The following DNA2 variants were observed in gnomAD, a reference collection of about 807,000 sequenced individuals.
DNA2 encodes the protein DNA replication ATP-dependent helicase/nuclease DNA2.
In DNA2, 101 loss-of-function variants were observed where a neutral mutation model predicts 119.1. The observed-to-expected ratio is 0.85, with a 90% CI of 0.72 to 1.00. The LOEUF (loss-of-function observed/expected upper bound fraction) is 1.00, where lower values mean the gene tolerates loss of function less well. Among genes scored for constraint, DNA2 ranks in the 50% least tolerant of loss-of-function variants. DNA2 has a pLI of 0.00. For missense variants in DNA2, 1,121 were observed against 1,255.5 expected, an observed-to-expected ratio of 0.89 and a Z score of 1.62; for synonymous variants, 366 against 424.4, an observed-to-expected ratio of 0.86 and a Z score of 1.69.
chr10:68,470,139 G>T lies in DNA2; in HGVS notation c.99C>A (p.Ser33=), dbSNP rs1473243857. 1.3e-6 allele frequency: 2 copies of T among 1,595,772 alleles called. No individual in the cohort carries two copies. Among genetic ancestry groups the T allele is most frequent in the Non-Finnish European group, 1.7e-6 (2 of 1,175,816 alleles). ...CTGTGCTCAGAACTGTTCTTGGAAA[G>T]GAAGCTACCACTTTCTTCTGAAATC... ...AELFQKKVVA[S]FPRTVLSTGM... is the part of the protein sequence containing the mutation. The change falls in exon 2 of 21, where the codon TCC becomes TCA. Residue 33 remains serine, a synonymous_variant. Coordinates refer to ENST00000358410, the MANE Select transcript of DNA2 (RefSeq NM_001080449.3).
intron 14 of DNA2, chr10:68,425,066 T>C: frequency 2.5e-6 from 1 of 393,270 alleles, no homozygotes; most frequent in Admixed American, 3.4e-5. Context: ...TTGGAACTTT[T>C]CAGAATGTCT....
rs1429308709 is a variant in DNA2, at chr10:68,419,754, C to CTTTTTTTTTTTTTTTTTTTTTTT, written c.2787+48_2787+49insAAAAAAAAAAAAAAAAAAAAAAA. On this transcript the variant is annotated intron_variant, in intron 18 of 20. Transcript: ENST00000358410. ...TGTAAGTGTCTTACAGTCTAACATT[C>CTTTTTTTTTTTTTTTTTTTTTTT]TTTTATTCTGCACTTTAATATTTGC... 3 of 1,390,598 alleles carry CTTTTTTTTTTTTTTTTTTTTTTT rather than the reference C, an allele frequency of 2.2e-6. No individual in the cohort carries two copies. The African/African-American group carries it at 4.3e-5, about 20-fold the overall frequency. 86.1% of individuals were successfully genotyped at this position (1,390,598 alleles called of 1,614,324 possible). A position where few individuals can be genotyped will look rare whatever the true frequency, so the allele number is the denominator to read the frequency against.
intron 17 of DNA2, 147 bp downstream of exon 17, chr10:68,422,078 G>C (rs1033279144): frequency 2.1e-5 from 13 of 621,306 alleles, no homozygotes; most frequent in Non-Finnish European, 3.5e-5. Context: ...CTCGCAAAGT[G>C]CTGGGATTAC....
At chr10:68,431,454 T>A (rs1245285959) in intron 13 of DNA2, among the ~76,000 whole-genome samples, 1 of 151,690 alleles carries the variant, frequency 6.6e-6, no homozygotes, top group African/African-American at 2.4e-5. Flanking sequence ...CCGGCTAATT[T>A]TTGTATTTTT....
chr10:68,469,593 C>T (rs901305741), intron 2 of DNA2, among the ~76,000 whole-genome samples: 7 of 151,920 alleles, frequency 4.6e-5, no homozygotes, highest in African/African-American at 1.7e-4. Context: ...CTCCAGAGTA[C>T]CTGGGATTAC....
Position 68,422,711 on chromosome 10 carries a change from T to C in DNA2, c.2388A>G (p.Leu796=). The C allele has an allele frequency of 6.2e-7, 1 of 1,612,978 alleles. No homozygotes were observed. Among genetic ancestry groups the C allele is most frequent in the Non-Finnish European group, 8.5e-7 (1 of 1,179,588 alleles). The change falls in exon 15 of 21, where the codon CTA becomes CTG. Residue 796 remains leucine (L), a synonymous_variant. Coordinates refer to ENST00000358410, the MANE Select transcript of DNA2 (RefSeq NM_001080449.3). Reference sequence around the variant, plus strand: ...TGTCTGCCTACCTTGCTTCACGGTTTAGCACCAGGGGAGGAAGCTGCTGAT... The same window carrying C: ...TGTCTGCCTACCTTGCTTCACGGTTCAGCACCAGGGGAGGAAGCTGCTGAT... ...GDHQQLPPLV[L]NREARALGMS...
intron 5 of DNA2, among the ~76,000 whole-genome samples, chr10:68,451,217 A>T (rs2052113572): frequency 1.3e-5 from 2 of 152,074 alleles, no homozygotes; most frequent in African/African-American, 4.8e-5. Context: ...AAAGGAGCTC[A>T]TGGTCACTTC....
At chr10:68,471,984 G>T, upstream of DNA2, 1 of 1,611,466 alleles carries the variant, frequency 6.2e-7, no homozygotes, top group South Asian at 1.1e-5. Context: ...GCGCCAACCC[G>T]CAGATGTCCC....
intron 9 of DNA2, among the ~76,000 whole-genome samples, chr10:68,439,226 C>A (rs914973396): frequency 2.0e-5 from 3 of 150,930 alleles, no homozygotes; most frequent in Non-Finnish European, 4.4e-5. Context: ...GAAACCCCAT[C>A]CCTACTAAAA....
chr10:68,467,584 T>C (rs979888597), intron 3 of DNA2, among the ~76,000 whole-genome samples: 8 of 152,182 alleles, frequency 5.3e-5, no homozygotes, highest in African/African-American at 1.9e-4. Flanking sequence ...AGAGTCTTGC[T>C]CTGCCGCCCA....
chr10:68,422,909 G>A lies in DNA2; in HGVS notation c.2209-19C>T. 2 of 1,504,092 alleles carry A rather than the reference G, an allele frequency of 1.3e-6. No individual in the cohort carries two copies. The highest frequency in any genetic ancestry group is 1.8e-6 in the Non-Finnish European group (2 of 1,116,250). The allele number at this position is 1,504,092 out of a possible 1,614,324, so 93.2% of individuals were successfully genotyped here. A position where few individuals can be genotyped will look rare whatever the true frequency, so the allele number is the denominator to read the frequency against. On this transcript the variant is annotated intron_variant, in intron 14 of 20. Transcript: ENST00000358410. Reference sequence around the variant, plus strand: ...CTATAAGCTAAAAACAAGGAAAACAGATCAGTTATTTAACATGTAAAAGAA... The same window carrying A: ...CTATAAGCTAAAAACAAGGAAAACAAATCAGTTATTTAACATGTAAAAGAA...
intron 17 of DNA2, among the ~76,000 whole-genome samples, chr10:68,420,142 C>T (rs1159366769): frequency 6.6e-6 from 1 of 152,222 alleles, no homozygotes; most frequent in Non-Finnish European, 1.5e-5. Flanking sequence ...ACACACTGAG[C>T]TTCAAATACT....
At chr10:68,423,287 A>AT (rs555052606) in intron 14 of DNA2, among the ~76,000 whole-genome samples, 1 of 86,888 alleles carries the variant, frequency 1.2e-5, no homozygotes, top group African/African-American at 6.3e-5. Flanking sequence ...CATTATATAT[A>AT]AAAAAAAAAA....
At chr10:68,422,470 G>A (rs777050835) in intron 16 of DNA2, 41 bp from the exon 17 acceptor site, 1 of 1,612,412 alleles carries the variant, frequency 6.2e-7, no homozygotes, top group East Asian at 2.2e-5. Flanking sequence ...TTGGTAGATG[G>A]AAACAAACAT....
Position 68,471,778 on chromosome 10 carries a change from C to T in DNA2, c.74+13G>A, listed in dbSNP as rs370226465. On this transcript the variant is annotated intron_variant, in intron 1 of 20. Transcript: ENST00000358410. Reference sequence around the variant, plus strand: ...CCCGCTTTGTTCCCACACCCTCCCCCCTCTCCGCTCACAGCTCCGCCGGCA... The same window carrying T: ...CCCGCTTTGTTCCCACACCCTCCCCTCTCTCCGCTCACAGCTCCGCCGGCA... 60 of 1,590,134 alleles carry T rather than the reference C, an allele frequency of 3.8e-5. 1 individual carries two copies. The South Asian group carries it at 5.9e-4, about 16-fold the overall frequency.
chr10:68,471,735 G>A (rs1338963422), intron 1 of DNA2, 56 bp downstream of exon 1: 4 of 1,503,612 alleles, frequency 2.7e-6, no homozygotes, highest in South Asian at 2.7e-5. Context: ...AGCCTCTCCC[G>A]CTCCTTCTTT....
chr10:68,458,932 A>G (rs1417002060), intron 5 of DNA2, among the ~76,000 whole-genome samples, 172 bp downstream of exon 5: 1 of 152,182 alleles, frequency 6.6e-6, no homozygotes, highest in Admixed American at 6.6e-5. Context: ...TTTTCTATTC[A>G]CTGGGTTCTT....
intron 5 of DNA2, among the ~76,000 whole-genome samples, chr10:68,454,268 T>C (rs770142063): frequency 6.6e-6 from 1 of 151,780 alleles, no homozygotes. Flanking sequence ...GGCACACATA[T>C]AGCATTGAAT....
chr10:68,428,174 AG>A (rs1413755562), intron 14 of DNA2, among the ~76,000 whole-genome samples: 5 of 151,768 alleles, frequency 3.3e-5, no homozygotes, highest in African/African-American at 9.7e-5. Context: ...AAAAATACAA[AG>A]AATTAGCTGG....
Sources: allele counts gnomAD v4.1 joint callset (sites outside exome capture counted in the v4.1 genomes callset), GRCh38; gene constraint gnomAD v4.1.1; transcripts MANE v1.5; gene names NCBI Gene and HGNC (gene_info 2026-07-23, HGNC 2026-07-21).